RAB40B: variants seen among roughly 807,000 people sequenced by gnomAD.
RAB40B encodes RAB40B, member RAS oncogene family.
In RAB40B, 21 loss-of-function variants were observed where a neutral mutation model predicts 24.0. The observed-to-expected ratio is 0.88, with a 90% CI of 0.62 to 1.26. The LOEUF (loss-of-function observed/expected upper bound fraction) is 1.26. RAB40B is among the 50% of genes most tolerant of loss of function. RAB40B has a pLI of 0.00. For synonymous variants in RAB40B, 167 were observed against 169.8 expected, an observed-to-expected ratio of 0.98 and a Z score of 0.13; for missense variants, 348 against 390.5, an observed-to-expected ratio of 0.89 and a Z score of 0.92.
Position 82,664,498 on chromosome 17 carries a change from G to T in RAB40B, c.201C>A (p.Leu67=). 2 of 1,613,190 alleles carry T rather than the reference G, an allele frequency of 1.2e-6. No homozygotes were observed. Among genetic ancestry groups the T allele is most frequent in the Non-Finnish European group, 1.7e-6 (2 of 1,179,568 alleles). ...GCTCGCACCTCCTCCAGACTCACCAGAGCTGCAGCTTCACCCGCCGCCCGT... is the reference window on the plus strand; with the variant it reads ...GCTCGCACCTCCTCCAGACTCACCATAGCTGCAGCTTCACCCGCCGCCCGT... ...LLDGRRVKLQ[L]WDTSGQGRFC... is the part of the protein sequence containing the mutation. Residue 67 remains leucine, a splice_region_variant and synonymous_variant, in exon 2 of 6, where the codon CTC becomes CTA. Transcript: ENST00000571995.
At chr17:82,666,589 A>C (rs2379119) in intron 1 of RAB40B, among the ~76,000 whole-genome samples, 151,700 of 151,822 alleles carry the variant, frequency 1, 75,789 homozygotes, top group Middle Eastern at 1. Context: ...CGCCCCCATC[A>C]CCCCCCAGAC....
intron 1 of RAB40B, among the ~76,000 whole-genome samples, chr17:82,683,016 G>A (rs1412818110): frequency 1.3e-5 from 2 of 152,146 alleles, no homozygotes; most frequent in African/African-American, 2.4e-5. Flanking sequence ...GGTGGCACAC[G>A]CCTGTAATCC....
chr17:82,693,661 G>A (rs188095357), intron 1 of RAB40B, among the ~76,000 whole-genome samples: 1 of 152,140 alleles, frequency 6.6e-6, no homozygotes, highest in African/African-American at 2.4e-5. Flanking sequence ...CCCGTCACCC[G>A]CAGGATGGAG....
intron 1 of RAB40B, 173 bp from the exon 2 acceptor site, chr17:82,664,729 C>T (rs79285929): frequency 1.6e-6 from 1 of 607,492 alleles, no homozygotes; most frequent in African/African-American, 1.9e-5. Context: ...CCTGCCTGCG[C>T]CCTCCCGCAC....
chr17:82,686,180 C>G (rs2046499547), intron 1 of RAB40B, among the ~76,000 whole-genome samples: 1 of 148,494 alleles, frequency 6.7e-6, no homozygotes, highest in Non-Finnish European at 1.5e-5. Context: ...GGCACGATCT[C>G]AGCTCACTGA....
chr17:82,662,579 A>ACCACAATCTGGGGT (rs2046187895), intron 2 of RAB40B: 1 of 985,144 alleles, frequency 1.0e-6, no homozygotes, highest in African/African-American at 1.7e-5. Context: ...ACCAGGAAGG[A>ACCACAATCTGGGGT]CCACACTCTG....
chr17:82,660,424 A>G (rs1385519121), intron 3 of RAB40B, among the ~76,000 whole-genome samples: 1 of 150,146 alleles, frequency 6.7e-6, no homozygotes, highest in Non-Finnish European at 1.5e-5. Context: ...ACACACGTGT[A>G]AACACACGCA....
At position 82,667,092 on chromosome 17, in the gene RAB40B, A is replaced by C. The variant is rs1171030201; in HGVS notation, c.143-2536T>G. 1.3e-5 allele frequency among the ~76,000 whole-genome samples: 2 copies of C among 152,218 alleles called. No homozygotes were observed. The highest frequency in any genetic ancestry group is 3.8e-4 in the East Asian group (2 of 5,202). ...AGCTCTCCTTCCAGAGAAGCCCACG[A>C]TGTAGCCAGTGAGTGCCCAGAAACA... is the stretch of plus-strand genomic sequence containing the variant. On this transcript the variant is annotated intron_variant, in intron 1 of 5. Coordinates refer to ENST00000571995, the MANE Select transcript of RAB40B (RefSeq NM_006822.3). This position sits in a 1 kb window ranked among gnomAD's most constrained non-coding sequence, Gnocchi z 4.3.
intron 1 of RAB40B, among the ~76,000 whole-genome samples, chr17:82,671,275 A>ACC (rs1424187634): frequency 6.7e-6 from 1 of 149,932 alleles, no homozygotes; most frequent in Non-Finnish European, 1.5e-5. Flanking sequence ...ACACAGTCAC[A>ACC]CATCCTGTAC....
chr17:82,693,492 G>A (rs185021513), intron 1 of RAB40B, among the ~76,000 whole-genome samples: 4 of 152,308 alleles, frequency 2.6e-5, no homozygotes, highest in Middle Eastern at 3.4e-3. Flanking sequence ...AATGCTTTGC[G>A]AGAATCTACT....
At chr17:82,668,590 AGT>A (rs1245641588) in intron 1 of RAB40B, among the ~76,000 whole-genome samples, 1 of 152,254 alleles carries the variant, frequency 6.6e-6, no homozygotes, top group Non-Finnish European at 1.5e-5. Context: ...TGCTGCCCCA[AGT>A]GTGGACCCAC....
intron 2 of RAB40B, chr17:82,662,797 T>C (rs73357156): frequency 0.15 from 146,118 of 985,146 alleles, 11,047 homozygotes; most frequent in South Asian, 0.25. Context: ...ACTGGGCAGC[T>C]GGGGTCAGGG....
In RAB40B at chr17:82,684,347, C is replaced by T. The variant is rs79948093; in HGVS notation, c.142+14108G>A. ...CACACACTGCTGACGGGGATGCAAA[C>T]GGTGTGGTCAGTGTGGAAAAGGGTT... On this transcript the variant is annotated intron_variant, in intron 1 of 5. Coordinates refer to ENST00000571995, the MANE Select transcript of RAB40B (RefSeq NM_006822.3). Among the ~76,000 whole-genome samples the T allele has an allele frequency of 6.2e-3, 944 of 151,942 alleles. 4 individuals carry two copies. Among genetic ancestry groups the T allele is most frequent in the African/African-American group, 0.022 (900 of 41,416 alleles).
chr17:82,675,923 G>A lies in RAB40B; in HGVS notation c.143-11367C>T, dbSNP rs940117913. ...CTACGTGGGTCCTTCTCACCAGGGG[G>A]GAGAGGTGGCAACAGTGACGACCTG... is the stretch of plus-strand genomic sequence containing the variant. On this transcript the variant is annotated intron_variant, in intron 1 of 5. Coordinates refer to ENST00000571995, the MANE Select transcript of RAB40B (RefSeq NM_006822.3). This position sits in a 1 kb window ranked among gnomAD's most constrained non-coding sequence, Gnocchi z 4.5. Among the ~76,000 whole-genome samples the A allele has an allele frequency of 2.0e-5, 3 of 152,086 alleles. No individual in the cohort carries two copies. The highest frequency in any genetic ancestry group is 2.9e-5 in the Non-Finnish European group (2 of 68,004).
At chr17:82,691,576 G>A (rs904907538) in intron 1 of RAB40B, among the ~76,000 whole-genome samples, 3 of 152,172 alleles carry the variant, frequency 2.0e-5, no homozygotes, top group Non-Finnish European at 2.9e-5. Flanking sequence ...CAGCTACTCG[G>A]GGGGCTGAGG....
At chr17:82,662,547 G>A (rs1392994206) in intron 2 of RAB40B, 13 of 985,256 alleles carry the variant, frequency 1.3e-5, no homozygotes, top group Non-Finnish European at 1.6e-5. Flanking sequence ...GGTGGGGGCA[G>A]GCAGAAGACC....
intron 1 of RAB40B, among the ~76,000 whole-genome samples, chr17:82,665,887 C>T (rs1217494997): frequency 7.7e-6 from 1 of 130,452 alleles, no homozygotes; most frequent in Non-Finnish European, 1.7e-5. Flanking sequence ...ACAAGAACAA[C>T]AACAAAAAAA....
rs2046091563 is a variant in RAB40B, at chr17:82,657,027, A to G, written c.*836T>C. 1 of 152,360 alleles carries G rather than the reference A, an allele frequency of 6.6e-6. No homozygotes were observed. The highest frequency in any genetic ancestry group is 1.5e-5 in the Non-Finnish European group (1 of 68,170). The allele number at this position is 152,360 out of a possible 1,614,324, so 9.4% of individuals were successfully genotyped here. Reference sequence around the variant, plus strand: ...GAAACTCTGTCTCAAAAATAAATAAATAAATAAATACAAAATTCGAAAGAA... The same window carrying G: ...GAAACTCTGTCTCAAAAATAAATAAGTAAATAAATACAAAATTCGAAAGAA... On this transcript the variant is annotated 3_prime_UTR_variant, in exon 6 of 6. Coordinates refer to ENST00000571995, the MANE Select transcript of RAB40B (RefSeq NM_006822.3).
Position 82,698,680 on chromosome 17 carries a change from G to C in RAB40B, c.-84C>G. On this transcript the variant is annotated 5_prime_UTR_variant, in exon 1 of 6. Transcript: ENST00000571995. ...GGCCCGGCCCCGAGAGGCGCCGCGCGGGCCCCGAGTCCTTGCTCGCCTCCG... is the reference window on the plus strand; with the variant it reads ...GGCCCGGCCCCGAGAGGCGCCGCGCCGGCCCCGAGTCCTTGCTCGCCTCCG... 7 of 1,063,170 alleles carry C rather than the reference G, an allele frequency of 6.6e-6. No homozygotes were observed. The highest frequency in any genetic ancestry group is 8.2e-6 in the Non-Finnish European group (7 of 857,742). 65.9% of individuals were successfully genotyped at this position (1,063,170 alleles called of 1,614,324 possible).
Sources: gnomAD v4.1 joint callset for allele counts (sites outside exome capture counted in the v4.1 genomes callset) on GRCh38, gnomAD v4.1.1 for gene constraint, Gnocchi (gnomAD v3.1) non-coding constraint, MANE v1.5 for transcripts, NCBI Gene and HGNC (gene_info 2026-07-23, HGNC 2026-07-21) for gene names.